COL9A1: variants seen among roughly 807,000 people sequenced by gnomAD.
COL9A1 encodes collagen alpha-1(IX) chain.
A neutral mutation model predicts 142.6 loss-of-function variants in COL9A1; 104 were observed. The observed-to-expected ratio is 0.73, with a 90% confidence interval of 0.62 to 0.86. COL9A1 has a LOEUF of 0.86. COL9A1 is among the 40% of genes least tolerant of loss of function. The pLI is 0.00. For missense variants in COL9A1, 1,210 were observed against 1,176.6 expected (o/e 1.03, Z -0.42); for synonymous variants, 466 against 396.0 (o/e 1.18, Z -2.10).
chr6:70,238,610 AC>A (rs1449979846), intron 33 of COL9A1, among the ~76,000 whole-genome samples: 1 of 152,234 alleles, frequency 6.6e-6, no homozygotes, highest in Non-Finnish European at 1.5e-5. Flanking sequence ...ACTGTTGACA[AC>A]AAAAAACACA....
At chr6:70,295,161 G>T (rs977082943) in intron 4 of COL9A1, among the ~76,000 whole-genome samples, 1 of 151,958 alleles carries the variant, frequency 6.6e-6, no homozygotes, top group South Asian at 2.1e-4. Context: ...TCACACTGAG[G>T]ATGTTTGTCT....
chr6:70,234,696 T>A, intron 34 of COL9A1, 98 bp downstream of exon 34: 3 of 1,605,452 alleles, frequency 1.9e-6, no homozygotes, highest in Non-Finnish European at 1.7e-6. Flanking sequence ...GTGGCTGGAT[T>A]TACAAGAGAA....
chr6:70,283,447 T>C (rs1216306020), intron 6 of COL9A1, among the ~76,000 whole-genome samples: 1 of 152,212 alleles, frequency 6.6e-6, no homozygotes, highest in Non-Finnish European at 1.5e-5. Context: ...TCAAGTGTTC[T>C]TGGACATGTT....
At chr6:70,217,120 T>G (rs372462643) in intron 37 of COL9A1, 39 bp from the exon 38 acceptor site, 1 of 1,608,234 alleles carries the variant, frequency 6.2e-7, no homozygotes, top group South Asian at 1.1e-5. Context: ...AACAGGAGAA[T>G]CCTCATTGAT....
In COL9A1 at chr6:70,254,475, C is replaced by CTGG. The variant is rs1273358558; in HGVS notation, c.1717_1719dup (p.Pro573dup). The stretch of plus-strand genomic sequence containing the variant: ...TAACATGTAAAGAATCAAATACTTA[C>CTGG]TGGTAACCCCTGCAATCCTGCATCA... On this transcript the variant is annotated inframe_insertion and splice_region_variant. Transcript: ENST00000357250. 1 of 1,614,042 alleles carries CTGG rather than the reference C, an allele frequency of 6.2e-7. No individual in the cohort carries two copies. Among genetic ancestry groups the CTGG allele is most frequent in the Admixed American group, 1.7e-5 (1 of 60,024 alleles).
intron 10 of COL9A1, chr6:70,280,002 C>G: frequency 1.4e-6 from 1 of 698,548 alleles, no homozygotes; most frequent in Admixed American, 2.0e-5. Context: ...GGGACAAAAT[C>G]AAGGACTGGT....
At chr6:70,221,012 T>A (rs924500098) in intron 37 of COL9A1, among the ~76,000 whole-genome samples, 1 of 152,234 alleles carries the variant, frequency 6.6e-6, no homozygotes, top group Non-Finnish European at 1.5e-5. Context: ...ATATTTCTAT[T>A]GAAACATTAC....
chr6:70,267,945 C>G (rs570071090), intron 17 of COL9A1, among the ~76,000 whole-genome samples: 2 of 152,138 alleles, frequency 1.3e-5, no homozygotes. Flanking sequence ...CAGCAGAGCT[C>G]CATTGGTCTG....
chr6:70,266,388 G>A lies in COL9A1; in HGVS notation c.1341+329C>T, dbSNP rs192689678. ...GTCATAAAATTTTGTCTGGTGAAGT[G>A]GAACAACCGTCTGAATAATGTTGGA... On this transcript the variant is annotated intron_variant, in intron 18 of 37. Transcript: ENST00000357250. Among the ~76,000 whole-genome samples the A allele has an allele frequency of 2.2e-3, 329 of 152,230 alleles. 1 individual carries two copies. Among genetic ancestry groups the A allele is most frequent in the Non-Finnish European group, 2.6e-3 (174 of 67,992 alleles).
Position 70,270,197 on chromosome 6 carries a change from C to T in COL9A1, c.1197+117G>A, listed in dbSNP as rs187280615. 1.6e-5 allele frequency: 16 copies of T among 983,074 alleles called. No individual in the cohort carries two copies. The Admixed American group carries it at 1.8e-4, about 11-fold the overall frequency. 60.9% of individuals were successfully genotyped at this position (983,074 alleles called of 1,614,324 possible). A position where few individuals can be genotyped will look rare whatever the true frequency, so the allele number is the denominator to read the frequency against. On this transcript the variant is annotated intron_variant, in intron 15 of 37. Coordinates refer to ENST00000357250, the MANE Select transcript of COL9A1 (RefSeq NM_001851.6). ...TTGAGTGCATGGAAAAATTGATAGC[C>T]GTTTTGGAAATTTGGGACAATGACT...
chr6:70,243,674 C>T (rs1770413701), intron 28 of COL9A1, among the ~76,000 whole-genome samples: 1 of 152,138 alleles, frequency 6.6e-6, no homozygotes, highest in Admixed American at 6.5e-5. Context: ...AGTACAGGTG[C>T]ATGCCACCAC....
At chr6:70,232,128 T>C (rs778511449) in intron 36 of COL9A1, among the ~76,000 whole-genome samples, 5 of 152,222 alleles carry the variant, frequency 3.3e-5, no homozygotes, top group Admixed American at 1.3e-4. Context: ...GCAGCTCTAA[T>C]GCATATTTTT....
intron 5 of COL9A1, among the ~76,000 whole-genome samples, chr6:70,289,312 C>T (rs139233775): frequency 1.3e-3 from 192 of 152,166 alleles, no homozygotes; most frequent in African/African-American, 4.5e-3. Flanking sequence ...TTTATTGCAA[C>T]ACTATGGGCA....
intron 24 of COL9A1, 122 bp from the exon 25 acceptor site, chr6:70,254,651 CT>C: frequency 1.4e-6 from 1 of 735,300 alleles, no homozygotes; most frequent in Non-Finnish European, 2.3e-6. Flanking sequence ...TTTACATGCA[CT>C]TTTATAAAGT....
intron 37 of COL9A1, among the ~76,000 whole-genome samples, chr6:70,223,532 C>T (rs1475733249): frequency 6.6e-6 from 1 of 152,192 alleles, no homozygotes; most frequent in Non-Finnish European, 1.5e-5. Context: ...CAGGTACTAG[C>T]TTTAAGGGAG....
In COL9A1 at chr6:70,270,356, C is replaced by G. The variant is rs1772317579; in HGVS notation, c.1155G>C (p.Gly385=). ...LGRVGPVGDP[G]RRGPPGPPGP... Reference sequence around the variant, plus strand: ...CAGGGGGGCCAGGTGGTCCTCTTCTCCCAGGGTCACCCTAAGTTATTTGAA... The same window carrying G: ...CAGGGGGGCCAGGTGGTCCTCTTCTGCCAGGGTCACCCTAAGTTATTTGAA... The change falls in exon 15 of 38, where the codon GGG becomes GGC. Residue 385 remains glycine (G), a synonymous_variant. Coordinates refer to ENST00000357250, the MANE Select transcript of COL9A1 (RefSeq NM_001851.6). 6.2e-7 allele frequency: 1 copy of G among 1,613,444 alleles called. No individual in the cohort carries two copies. The highest frequency in any genetic ancestry group is 1.1e-5 in the South Asian group (1 of 91,042).
At chr6:70,285,598 T>G (rs543449969) in intron 5 of COL9A1, among the ~76,000 whole-genome samples, 1 of 152,250 alleles carries the variant, frequency 6.6e-6, no homozygotes, top group Non-Finnish European at 1.5e-5. Flanking sequence ...AGTCAACATT[T>G]GTGATGTCCC....
At chr6:70,263,823 T>G (rs913327087) in intron 18 of COL9A1, among the ~76,000 whole-genome samples, 3 of 151,930 alleles carry the variant, frequency 2.0e-5, no homozygotes, top group Admixed American at 6.6e-5. Flanking sequence ...CTTTCATGGG[T>G]TATACCTCCT....
rs755152331 is a variant in COL9A1, at chr6:70,280,836, G to T, written c.951C>A (p.Gly317=). ...CATCAGCGCCAGGTGTGCCAGGCTT[G>T]CCTGGAGCTCCTGGCTTTCCCGGTT... ...AGEPGKPGAP[G]KPGTPGADGL... The change falls in exon 10 of 38, where the codon GGC becomes GGA. Residue 317 remains glycine, a synonymous_variant. Coordinates refer to ENST00000357250, the MANE Select transcript of COL9A1 (RefSeq NM_001851.6). The T allele has an allele frequency of 1.2e-6, 2 of 1,613,196 alleles. No homozygotes were observed. The highest frequency in any genetic ancestry group is 2.7e-5 in the African/African-American group (2 of 74,886).
Sources: gnomAD v4.1 joint callset for allele counts (sites outside exome capture counted in the v4.1 genomes callset) on GRCh38, gnomAD v4.1.1 for gene constraint, MANE v1.5 for transcripts, NCBI Gene and HGNC (gene_info 2026-07-23, HGNC 2026-07-21) for gene names.